Variants in ELK3 observed in about 807,000 individuals in gnomAD.
ELK3 encodes the protein ETS domain-containing protein Elk-3.
A neutral mutation model predicts 28.9 loss-of-function variants in ELK3; 10 were observed. That is an observed-to-expected ratio of 0.35 (90% CI 0.21 to 0.59). ELK3 has a LOEUF of 0.59. Among genes scored for constraint, ELK3 ranks in the 20% least tolerant of loss-of-function variants. The pLI, the probability that ELK3 is intolerant of heterozygous loss-of-function variation, is 0.82. For synonymous variants in ELK3, 272 were observed against 243.5 expected, an observed-to-expected ratio of 1.12 and a Z score of -1.09; for missense variants, 463 against 517.3, an observed-to-expected ratio of 0.90 and a Z score of 1.02.
chr12:96,226,286 G>C (rs990860130), intron 2 of ELK3, among the ~76,000 whole-genome samples: 1 of 152,188 alleles, frequency 6.6e-6, no homozygotes, highest in African/African-American at 2.4e-5. Flanking sequence ...CAGAGCATGG[G>C]GGCTGGCCAC....
chr12:96,200,243 A>G (rs1223219747), intron 1 of ELK3, among the ~76,000 whole-genome samples: 1 of 152,140 alleles, frequency 6.6e-6, no homozygotes, highest in East Asian at 1.9e-4. Context: ...ATAGTATTAT[A>G]GGCATCCTGC....
intron 1 of ELK3, among the ~76,000 whole-genome samples, chr12:96,196,147 C>T (rs1951464812): frequency 6.6e-6 from 1 of 152,118 alleles, no homozygotes; most frequent in African/African-American, 2.4e-5. Flanking sequence ...TAGGAGTTTC[C>T]GCTGCTCGGC....
chr12:96,216,469 A>G (rs1951619594), intron 1 of ELK3, among the ~76,000 whole-genome samples: 1 of 152,106 alleles, frequency 6.6e-6, no homozygotes, highest in Non-Finnish European at 1.5e-5. Flanking sequence ...ACAGAAGCAT[A>G]CTCCAAGTCA....
intron 1 of ELK3, among the ~76,000 whole-genome samples, chr12:96,215,106 C>CT (rs879830355): frequency 0.025 from 3,526 of 142,868 alleles, 125 homozygotes; most frequent in African/African-American, 0.078. Flanking sequence ...CTCTCATTGC[C>CT]TTTTTTTTTT....
chr12:96,265,827 G>GAATACAATTCTAGAAAAAGT (rs1264794620), intron 4 of ELK3, among the ~76,000 whole-genome samples: 2 of 152,134 alleles, frequency 1.3e-5, no homozygotes, highest in Non-Finnish European at 2.9e-5. Context: ...CAGTTGAAGT[G>GAATACAATTCTAGAAAAAGT]AATACAATTC....
chr12:96,244,984 C>T (rs1427537742), intron 2 of ELK3, among the ~76,000 whole-genome samples: 8 of 152,146 alleles, frequency 5.3e-5, no homozygotes, highest in African/African-American at 9.6e-5. Flanking sequence ...AATGAGACCC[C>T]GCGGGTTAAG....
intron 2 of ELK3, among the ~76,000 whole-genome samples, chr12:96,241,953 C>T (rs1034379690): frequency 1.3e-5 from 2 of 152,192 alleles, no homozygotes; most frequent in African/African-American, 2.4e-5. Context: ...TTTGCAAATA[C>T]GTATTTAATG....
chr12:96,229,784 C>T (rs1951728229), intron 2 of ELK3, among the ~76,000 whole-genome samples: 1 of 152,094 alleles, frequency 6.6e-6, no homozygotes, highest in Non-Finnish European at 1.5e-5. Flanking sequence ...CCTGCCTCAT[C>T]CTCCCAAAGT....
chr12:96,263,061 T>G (rs1952005671), intron 4 of ELK3, among the ~76,000 whole-genome samples: 1 of 152,204 alleles, frequency 6.6e-6, no homozygotes, highest in Non-Finnish European at 1.5e-5. Context: ...GGCTTACACA[T>G]TTTAAATGAT....
intron 2 of ELK3, among the ~76,000 whole-genome samples, chr12:96,236,285 G>A (rs889557720): frequency 3.3e-5 from 5 of 152,284 alleles, no homozygotes; most frequent in South Asian, 2.1e-4. Context: ...ACGTCCAGTC[G>A]AATCCTCCCG....
chr12:96,232,539 G>A (rs1951749508), intron 2 of ELK3, among the ~76,000 whole-genome samples: 1 of 149,864 alleles, frequency 6.7e-6, no homozygotes, highest in Non-Finnish European at 1.5e-5. Context: ...TCACTGCACT[G>A]CAGCCTGGGC....
intron 1 of ELK3, among the ~76,000 whole-genome samples, chr12:96,210,312 A>G (rs1376577770): frequency 6.6e-6 from 1 of 152,140 alleles, no homozygotes; most frequent in African/African-American, 2.4e-5. Context: ...AACCTGAAAC[A>G]GGCTTCCCTA....
chr12:96,201,271 G>A (rs990190735), intron 1 of ELK3, among the ~76,000 whole-genome samples: 1 of 152,180 alleles, frequency 6.6e-6, no homozygotes, highest in East Asian at 1.9e-4. Context: ...TAATTGGGAT[G>A]AGAGGATATT....
Position 96,247,252 on chromosome 12 carries a change from C to T in ELK3, c.520C>T (p.Pro174Ser), listed in dbSNP as rs751445876. 12 of 1,614,194 alleles carry T rather than the reference C, an allele frequency of 7.4e-6. No homozygotes were observed. The East Asian group carries it at 1.1e-4, about 15-fold the overall frequency. Residue 174 changes from proline to serine, a missense_variant, in exon 3 of 5, where the codon CCC becomes TCC. Physicochemically the swap from Pro to Ser is moderately conservative, Grantham distance 74. Coordinates refer to ENST00000228741, the MANE Select transcript of ELK3 (RefSeq NM_005230.4). The surrounding 1 kb of genome is among the most constrained non-coding windows in gnomAD (Gnocchi z 5.5). ...GCTGGAGGAGCCGCCCGAAGACAGC[C>T]CCCCCGTGGAAGAAGTCAGGACTGT... ...EKLEEPPEDSPPVEEVRTVIR... is the reference protein window; with the variant it reads ...EKLEEPPEDSSPVEEVRTVIR...
chr12:96,218,679 C>T (rs1006744652), intron 1 of ELK3, among the ~76,000 whole-genome samples: 3 of 146,356 alleles, frequency 2.0e-5, no homozygotes, highest in African/African-American at 5.1e-5. Context: ...GACAGAGTCT[C>T]GCTCTGTCAC....
intron 3 of ELK3, among the ~76,000 whole-genome samples, chr12:96,250,274 A>G (rs1367986510): frequency 1.3e-5 from 2 of 152,192 alleles, no homozygotes; most frequent in Non-Finnish European, 2.9e-5. Context: ...ATGGGTGGCC[A>G]ACAGGGAGGG....
chr12:96,250,699 C>G (rs1210007548), intron 3 of ELK3, among the ~76,000 whole-genome samples: 1 of 152,200 alleles, frequency 6.6e-6, no homozygotes, highest in Non-Finnish European at 1.5e-5. Context: ...CACTTTGTCA[C>G]AGAAACTCTC....
intron 2 of ELK3, among the ~76,000 whole-genome samples, chr12:96,229,182 A>C (rs1592679652): frequency 6.6e-6 from 1 of 152,338 alleles, no homozygotes; most frequent in Non-Finnish European, 1.5e-5. Context: ...TTATGTCATG[A>C]AAGTTGATAT....
intron 3 of ELK3, among the ~76,000 whole-genome samples, chr12:96,253,865 A>G (rs1951926318): frequency 6.6e-6 from 1 of 152,230 alleles, no homozygotes; most frequent in Non-Finnish European, 1.5e-5. Flanking sequence ...AGATACCTGG[A>G]GATACAGAGG....
Sources: gnomAD v4.1 joint callset for allele counts (sites outside exome capture counted in the v4.1 genomes callset) on GRCh38, gnomAD v4.1.1 for gene constraint, Gnocchi (gnomAD v3.1) non-coding constraint, MANE v1.5 for transcripts, NCBI Gene and HGNC (gene_info 2026-07-23, HGNC 2026-07-21) for gene names.